ABI2: variants seen among roughly 807,000 people sequenced by gnomAD.
ABI2 encodes the protein abl interactor 2.
A neutral mutation model predicts 59.2 loss-of-function variants in ABI2; 25 were observed. The ratio of observed to expected loss-of-function variants is 0.42; its 90% CI spans 0.31 to 0.59. The LOEUF (loss-of-function observed/expected upper bound fraction) is 0.59, where lower values mean the gene tolerates loss of function less well. Ranked by LOEUF, ABI2 falls within the 20% of genes least tolerant of loss-of-function variation. ABI2 has a pLI of 0.14. For missense variants in ABI2, 545 were observed against 681.8 expected, an observed-to-expected ratio of 0.80 and a Z score of 2.23; for synonymous variants, 213 against 235.5, an observed-to-expected ratio of 0.90 and a Z score of 0.87.
rs533929471 is a variant in ABI2 at position 203,358,580 on chromosome 2, T to G, written c.118-8297T>G. On this transcript the variant is annotated intron_variant, in intron 1 of 11. Transcript: ENST00000261018. ...TAGAATTCTGTGTCTCGTTTCTGCT[T>G]CTTTATGCATGTTGGCTTCATCCTT... Among the ~76,000 whole-genome samples, 11 of 152,356 alleles carry G rather than the reference T, an allele frequency of 7.2e-5. No homozygotes were observed. The East Asian group carries it at 1.9e-3, about 27-fold the overall frequency.
At chr2:203,391,183 T>A in intron 5 of ABI2, 40 bp downstream of exon 5, 1 of 1,385,316 alleles carries the variant, frequency 7.2e-7, no homozygotes, top group Non-Finnish European at 9.9e-7. Flanking sequence ...TTTCATGTAG[T>A]ATTGTTTAAA....
intron 1 of ABI2, among the ~76,000 whole-genome samples, chr2:203,351,006 T>C (rs933515106): frequency 2.6e-5 from 4 of 152,158 alleles, no homozygotes; most frequent in African/African-American, 9.7e-5. Context: ...AGATCTTTGA[T>C]CCATTTTGAG....
intron 1 of ABI2, chr2:203,328,881 C>G (rs1044690111): frequency 3.3e-6 from 1 of 300,944 alleles, no homozygotes; most frequent in South Asian, 1.3e-4. Context: ...CCCGCCTCCT[C>G]GCCGCTCCCG....
At chr2:203,334,381 G>C (rs1193665494) in intron 1 of ABI2, among the ~76,000 whole-genome samples, 1 of 152,126 alleles carries the variant, frequency 6.6e-6, no homozygotes, top group African/African-American at 2.4e-5. Context: ...ATGTAGTAGA[G>C]ATATTTTTGA....
chr2:203,404,991 T>G (rs1290506088), intron 9 of ABI2, among the ~76,000 whole-genome samples: 1 of 152,260 alleles, frequency 6.6e-6, no homozygotes, highest in Non-Finnish European at 1.5e-5. Context: ...TTCAATAGTT[T>G]CTTTGTAAAT....
intron 1 of ABI2, among the ~76,000 whole-genome samples, chr2:203,360,929 T>G (rs1371475392): frequency 6.6e-6 from 1 of 152,026 alleles, no homozygotes; most frequent in Non-Finnish European, 1.5e-5. Context: ...GGGTAACAAC[T>G]AATTGTTACC....
chr2:203,402,424 G>T, intron 8 of ABI2, 152 bp from the exon 9 acceptor site: 4 of 536,982 alleles, frequency 7.4e-6, no homozygotes, highest in Non-Finnish European at 8.7e-6. Flanking sequence ...TAATATCAGC[G>T]AACAATAACT....
At chr2:203,341,667 A>G (rs527898403) in intron 1 of ABI2, among the ~76,000 whole-genome samples, 18 of 152,164 alleles carry the variant, frequency 1.2e-4, no homozygotes, top group Non-Finnish European at 2.5e-4. Context: ...CCTAGATTGC[A>G]CCACTGCACT....
intron 2 of ABI2, among the ~76,000 whole-genome samples, chr2:203,371,971 C>T (rs1283894463): frequency 3.3e-5 from 5 of 150,354 alleles, no homozygotes; most frequent in Admixed American, 1.3e-4. Context: ...GGGTGTTTCT[C>T]GCAGAGGGGG....
chr2:203,331,867 T>G (rs1163926520), intron 1 of ABI2, among the ~76,000 whole-genome samples: 2 of 149,104 alleles, frequency 1.3e-5, no homozygotes, highest in African/African-American at 4.9e-5. Context: ...TGGAGTGCAG[T>G]GGCGCGATCT....
Position 203,357,101 on chromosome 2 carries a change from T to C in ABI2, c.118-9776T>C, listed in dbSNP as rs550815890. On this transcript the variant is annotated intron_variant, in intron 1 of 11. Coordinates refer to ENST00000261018, the MANE Select transcript of ABI2 (RefSeq NM_001375670.1). ...TTAGATTTCTTACCACACTCAATTT[T>C]TTCCTAATATAAAATAGATATAAAA... Among the ~76,000 whole-genome samples, 25 of 152,346 alleles carry C rather than the reference T, an allele frequency of 1.6e-4. 1 individual carries two copies. Among genetic ancestry groups the C allele is most frequent in the African/African-American group, 5.8e-4 (24 of 41,584 alleles).
intron 1 of ABI2, among the ~76,000 whole-genome samples, chr2:203,335,070 A>G (rs1345289443): frequency 6.6e-6 from 1 of 152,042 alleles, no homozygotes; most frequent in Non-Finnish European, 1.5e-5. Flanking sequence ...TTTTTCATTT[A>G]CTTTGTGTTT....
At chr2:203,364,973 A>G (rs1203447335) in intron 1 of ABI2, among the ~76,000 whole-genome samples, 1 of 151,952 alleles carries the variant, frequency 6.6e-6, no homozygotes, top group African/African-American at 2.4e-5. Flanking sequence ...TCTTTAAGCA[A>G]TGCTCCCGCC....
intron 6 of ABI2, among the ~76,000 whole-genome samples, 170 bp from the exon 7 acceptor site, chr2:203,395,486 T>C (rs113863012): frequency 2.9e-4 from 33 of 114,156 alleles, no homozygotes; most frequent in African/African-American, 7.0e-4. Flanking sequence ...CACACACACA[T>C]TTTTTTTTAA....
chr2:203,367,120 G>A, intron 2 of ABI2, 76 bp downstream of exon 2: 3 of 1,431,574 alleles, frequency 2.1e-6, no homozygotes, highest in Non-Finnish European at 2.8e-6. Flanking sequence ...AATGCTGGCA[G>A]CTTTTATTAT....
chr2:203,420,217 A>G lies in ABI2; in HGVS notation c.1453+3136A>G, dbSNP rs138553024. Among the ~76,000 whole-genome samples, 435 of 152,288 alleles carry G rather than the reference A, an allele frequency of 2.9e-3. 9 individuals are homozygous for G. Among genetic ancestry groups the G allele is most frequent in the Admixed American group, 0.026 (392 of 15,302 alleles). ...GGATTGAGTCTTGGCTTTACAGTTT[A>G]TGAGCATTAAGTCCTCCCTGGAAAA... On this transcript the variant is annotated intron_variant, in intron 11 of 11. Transcript: ENST00000261018.
intron 2 of ABI2, among the ~76,000 whole-genome samples, chr2:203,377,927 A>G (rs1163618651): frequency 6.6e-6 from 1 of 152,138 alleles, no homozygotes; most frequent in East Asian, 1.9e-4. Context: ...ATTTAATCCA[A>G]ATGTGATTAA....
At chr2:203,369,527 T>C (rs1222559079) in intron 2 of ABI2, among the ~76,000 whole-genome samples, 1 of 152,228 alleles carries the variant, frequency 6.6e-6, no homozygotes, top group Non-Finnish European at 1.5e-5. Flanking sequence ...AATTCAGTTA[T>C]TCAGAACATT....
At chr2:203,338,959 T>TAA (rs2078037324) in intron 1 of ABI2, among the ~76,000 whole-genome samples, 8 of 9,652 alleles carry the variant, frequency 8.3e-4, no homozygotes, top group East Asian at 0.01. Context: ...TATATATATA[T>TAA]ATAAATATAT....
Sources: gnomAD v4.1 joint callset for allele counts (sites outside exome capture counted in the v4.1 genomes callset) on GRCh38, gnomAD v4.1.1 for gene constraint, MANE v1.5 for transcripts, NCBI Gene and HGNC (gene_info 2026-07-23, HGNC 2026-07-21) for gene names.